The following FBXO45 variants were observed in gnomAD, a reference collection of about 807,000 sequenced individuals.
FBXO45 encodes F-box protein 45, also known as F-box/SPRY domain-containing protein 1.
FBXO45 carries 3 observed loss-of-function variants against 25.5 expected under a neutral mutation model. The ratio of observed to expected loss-of-function variants is 0.12; its 90% CI spans 0.05 to 0.30. The LOEUF (loss-of-function observed/expected upper bound fraction) is 0.30. FBXO45 is among the 10% of genes least tolerant of loss of function. The pLI, the probability that FBXO45 is intolerant of heterozygous loss-of-function variation, is 1.00. For synonymous variants in FBXO45, 155 were observed against 149.8 expected (o/e 1.03, Z -0.25); for missense variants, 219 against 365.0 (o/e 0.60, Z 3.26).
chr3:196,568,942 AGCGGCGGCG>A lies in FBXO45; in HGVS notation c.-40_-32del, dbSNP rs1338528934. The A allele has an allele frequency of 3.0e-6, 3 of 986,310 alleles. No individual in the cohort carries two copies. The highest frequency in any genetic ancestry group is 3.6e-6 in the Non-Finnish European group (3 of 829,434). The allele number at this position is 986,310 out of a possible 1,614,324, so 61.1% of individuals were successfully genotyped here. The stretch of plus-strand genomic sequence containing the variant: ...GGCCTTCCGAGCAGAGACGGCGGGA[AGCGGCGGCG>A]GCAGCGGCGGCCCTAGGGCCGGCTG... On this transcript the variant is annotated 5_prime_UTR_variant, in exon 1 of 3. Coordinates refer to ENST00000311630, the MANE Select transcript of FBXO45 (RefSeq NM_001105573.2).
chr3:196,584,106 T>G lies in FBXO45; in HGVS notation c.676-27T>G. 6.2e-7 allele frequency: 1 copy of G among 1,607,968 alleles called. No individual in the cohort carries two copies. The highest frequency in any genetic ancestry group is 8.5e-7 in the Non-Finnish European group (1 of 1,177,896). On this transcript the variant is annotated intron_variant, in intron 2 of 2. Transcript: ENST00000311630. The surrounding 1 kb of genome is among the most constrained non-coding windows in gnomAD (Gnocchi z 4.3). ...CTAGCTACACCCTTGGCAGATTTTC[T>G]TCTAACCTTTTGATATCTGTTTGCA...
intron 2 of FBXO45, 33 bp downstream of exon 2, chr3:196,577,842 C>G: frequency 1.5e-6 from 2 of 1,371,362 alleles, no homozygotes; most frequent in Non-Finnish European, 2.0e-6. Flanking sequence ...AAGTATGGGC[C>G]TTTGTCAAAT....
Position 196,584,408 on chromosome 3 carries a change from C to A in FBXO45, c.*90C>A. On this transcript the variant is annotated 3_prime_UTR_variant, in exon 3 of 3. Coordinates refer to ENST00000311630, the MANE Select transcript of FBXO45 (RefSeq NM_001105573.2). This position sits in a 1 kb window ranked among gnomAD's most constrained non-coding sequence, Gnocchi z 4.3. ...GAAGTGACTGTCACACATGCATGTC[C>A]AAGAAACATCCTGAAAACACATGAA... 1 of 1,138,980 alleles carries A rather than the reference C, an allele frequency of 8.8e-7. No homozygotes were observed. The highest frequency in any genetic ancestry group is 1.2e-6 in the Non-Finnish European group (1 of 820,996). The allele number at this position is 1,138,980 out of a possible 1,614,324, so 70.6% of individuals were successfully genotyped here.
chr3:196,575,349 G>A (rs1408435027), intron 1 of FBXO45, among the ~76,000 whole-genome samples: 1 of 151,520 alleles, frequency 6.6e-6, no homozygotes, highest in Non-Finnish European at 1.5e-5. Flanking sequence ...CCAGCTACTC[G>A]GGGGAGGCTG....
chr3:196,581,247 T>G (rs1736007796), intron 2 of FBXO45, among the ~76,000 whole-genome samples: 1 of 138,240 alleles, frequency 7.2e-6, no homozygotes, highest in Non-Finnish European at 1.6e-5. Context: ...TTTTTTTTTT[T>G]TTTTGAGACA....
intron 1 of FBXO45, among the ~76,000 whole-genome samples, chr3:196,575,680 T>C (rs974621921): frequency 6.8e-6 from 1 of 147,898 alleles, no homozygotes; most frequent in Non-Finnish European, 1.5e-5. Flanking sequence ...TTTCTTTGTT[T>C]CTTTTTTTTT....
chr3:196,573,268 A>G (rs1401118416), intron 1 of FBXO45, among the ~76,000 whole-genome samples: 2 of 152,202 alleles, frequency 1.3e-5, no homozygotes, highest in African/African-American at 4.8e-5. Context: ...GATCTGCGCT[A>G]AAGATATAAA....
At chr3:196,575,313 G>A (rs1474736306) in intron 1 of FBXO45, among the ~76,000 whole-genome samples, 3 of 151,948 alleles carry the variant, frequency 2.0e-5, no homozygotes, top group East Asian at 1.9e-4. Flanking sequence ...AAAATTAGCC[G>A]GGTGTGGTGG....
rs374910244 is a variant in FBXO45 at position 196,577,752 on chromosome 3, A to G, written c.618A>G (p.Leu206=). ...GGAATCTGGTGGACAATAATCTACT[A>G]CATAATGGAGAAGTCAATGGCAGTT... The part of the protein sequence containing the change: ...WGWNLVDNNL[L]HNGEVNGSFP... The change falls in exon 2 of 3, where the codon CTA becomes CTG. Residue 206 remains leucine (L), a synonymous_variant. Transcript: ENST00000311630. The G allele has an allele frequency of 3.1e-6, 5 of 1,613,580 alleles. No individual in the cohort carries two copies. The highest frequency in any genetic ancestry group is 1.7e-5 in the Admixed American group (1 of 60,014).
chr3:196,572,916 T>A (rs529204250), intron 1 of FBXO45, among the ~76,000 whole-genome samples: 1 of 151,848 alleles, frequency 6.6e-6, no homozygotes, highest in South Asian at 2.1e-4. Context: ...AATGTAGAGA[T>A]CAGTTGATCT....
intron 1 of FBXO45, among the ~76,000 whole-genome samples, chr3:196,576,314 G>A (rs1362940353): frequency 6.6e-6 from 1 of 152,146 alleles, no homozygotes; most frequent in Non-Finnish European, 1.5e-5. Context: ...ATTTTTCTCA[G>A]GTTAGCTGAA....
Position 196,569,346 on chromosome 3 carries a change from C to T in FBXO45, c.318+44C>T, listed in dbSNP as rs760402598. The stretch of plus-strand genomic sequence containing the variant: ...ACACCGCTGCCCCCAGTCCCGCTCC[C>T]CGGCGTCGTTCGCGGTGTTTCTCAT... On this transcript the variant is annotated intron_variant, in intron 1 of 2. Coordinates refer to ENST00000311630, the MANE Select transcript of FBXO45 (RefSeq NM_001105573.2). This position sits in a 1 kb window ranked among gnomAD's most constrained non-coding sequence, Gnocchi z 4.1. The T allele has an allele frequency of 2.1e-6, 3 of 1,428,524 alleles. No individual in the cohort carries two copies. The highest frequency in any genetic ancestry group is 2.8e-6 in the Non-Finnish European group (3 of 1,071,200). 88.5% of individuals were successfully genotyped at this position (1,428,524 alleles called of 1,614,324 possible).
Position 196,569,436 on chromosome 3 carries a change from T to C in FBXO45, c.318+134T>C, listed in dbSNP as rs372969889. 150 of 772,058 alleles carry C rather than the reference T, an allele frequency of 1.9e-4. 1 individual carries two copies. The African/African-American group carries it at 2.4e-3, about 12-fold the overall frequency. The allele number at this position is 772,058 out of a possible 1,614,324, so 47.8% of individuals were successfully genotyped here. A position where few individuals can be genotyped will look rare whatever the true frequency, so the allele number is the denominator to read the frequency against. On this transcript the variant is annotated intron_variant, in intron 1 of 2. Coordinates refer to ENST00000311630, the MANE Select transcript of FBXO45 (RefSeq NM_001105573.2). The surrounding 1 kb of genome is among the most constrained non-coding windows in gnomAD (Gnocchi z 4.1). Reference sequence around the variant, plus strand: ...CTTTCCACGGCTCCAGTCAGTATCTTCCTCACCTCCCCCCAAGATAAAGAT... The same window carrying C: ...CTTTCCACGGCTCCAGTCAGTATCTCCCTCACCTCCCCCCAAGATAAAGAT...
At chr3:196,578,228 G>A (rs1484041409) in intron 2 of FBXO45, among the ~76,000 whole-genome samples, 1 of 151,478 alleles carries the variant, frequency 6.6e-6, no homozygotes, top group African/African-American at 2.4e-5. Flanking sequence ...GTAGAGACAG[G>A]GTTTCACCAT....
At position 196,569,188 on chromosome 3, in the gene FBXO45, C is replaced by T. The variant is rs574359671; in HGVS notation, c.204C>T (p.Arg68=). The T allele has an allele frequency of 7.0e-6, 11 of 1,564,196 alleles. No homozygotes were observed. The East Asian group carries it at 1.9e-4, about 27-fold the overall frequency. Residue 68 remains arginine (R), a synonymous_variant, in exon 1 of 3, where the codon CGC becomes CGT. Transcript: ENST00000311630. This position sits in a 1 kb window ranked among gnomAD's most constrained non-coding sequence, Gnocchi z 4.1. The part of the protein sequence containing the change: ...SCALVCKHWY[R]CLHGDENSEV... ...CCCTGGTGTGCAAGCACTGGTACCG[C>T]TGCCTGCACGGCGATGAGAACAGCG...
rs1577592245 is a variant in FBXO45, at chr3:196,569,450, C to G, written c.318+148C>G. On this transcript the variant is annotated intron_variant, in intron 1 of 2. Coordinates refer to ENST00000311630, the MANE Select transcript of FBXO45 (RefSeq NM_001105573.2). The surrounding 1 kb of genome is among the most constrained non-coding windows in gnomAD (Gnocchi z 4.1). ...AGTCAGTATCTTCCTCACCTCCCCCCAAGATAAAGATTCTCTTTTCTTTGG... is the reference window on the plus strand; with the variant it reads ...AGTCAGTATCTTCCTCACCTCCCCCGAAGATAAAGATTCTCTTTTCTTTGG... 2.8e-5 allele frequency: 20 copies of G among 708,790 alleles called. 1 individual carries two copies. Among genetic ancestry groups the G allele is most frequent in the Non-Finnish European group, 4.2e-5 (19 of 449,480 alleles). 43.9% of individuals were successfully genotyped at this position (708,790 alleles called of 1,614,324 possible).
chr3:196,580,409 A>C (rs1320750745), intron 2 of FBXO45, among the ~76,000 whole-genome samples: 2 of 151,822 alleles, frequency 1.3e-5, no homozygotes, highest in Non-Finnish European at 2.9e-5. Context: ...ACGGGGTTTC[A>C]CCACGTTGGC....
In FBXO45 at chr3:196,577,439, T is replaced by C; in HGVS notation, c.319-14T>C. On this transcript the variant is annotated splice_polypyrimidine_tract_variant and intron_variant, in intron 1 of 2. Coordinates refer to ENST00000311630, the MANE Select transcript of FBXO45 (RefSeq NM_001105573.2). Reference sequence around the variant, plus strand: ...AAAATTGTTATTTATTTGGTCTGTTTTTCATCTTTTTAGATACGTGCTTTT... The same window carrying C: ...AAAATTGTTATTTATTTGGTCTGTTCTTCATCTTTTTAGATACGTGCTTTT... 6.5e-7 allele frequency: 1 copy of C among 1,536,958 alleles called. No individual in the cohort carries two copies. The highest frequency in any genetic ancestry group is 8.9e-7 in the Non-Finnish European group (1 of 1,129,886).
At chr3:196,575,068 T>C (rs1322877328) in intron 1 of FBXO45, among the ~76,000 whole-genome samples, 2 of 152,004 alleles carry the variant, frequency 1.3e-5, no homozygotes, top group Non-Finnish European at 2.9e-5. Flanking sequence ...AGGACTGAGT[T>C]TGGAGAATTT....
Sources: gnomAD v4.1 joint callset for allele counts (sites outside exome capture counted in the v4.1 genomes callset) on GRCh38, gnomAD v4.1.1 for gene constraint, Gnocchi (gnomAD v3.1) non-coding constraint, MANE v1.5 for transcripts, NCBI Gene and HGNC (gene_info 2026-07-23, HGNC 2026-07-21) for gene names.